Variants in ATP9A observed in about 807,000 individuals in gnomAD.
ATP9A encodes ATPase phospholipid transporting 9A.
ATP9A carries 52 observed loss-of-function variants against 144.1 expected under a neutral mutation model. That is an observed-to-expected ratio of 0.36 (90% CI 0.29 to 0.45). The LOEUF (loss-of-function observed/expected upper bound fraction) is 0.45, where lower values mean the gene tolerates loss of function less well. Among genes scored for constraint, ATP9A ranks in the 20% least tolerant of loss-of-function variants. The pLI is 1.00. For missense variants in ATP9A, 947 were observed against 1,392.7 expected, an observed-to-expected ratio of 0.68 and a Z score of 5.09; for synonymous variants, 582 against 557.4, an observed-to-expected ratio of 1.04 and a Z score of -0.62.
rs201814371 is a variant in ATP9A, at chr20:51,613,650, G to A, written c.2571+27C>T. 81 of 1,603,910 alleles carry A rather than the reference G, an allele frequency of 5.1e-5. No homozygotes were observed. In the African/African-American group the frequency reaches 9.4e-4, roughly 19 times the overall value. Reference sequence around the variant, plus strand: ...CTACATGGTATAGCCACAGGCACATGTGCAGAGGGGCCAGCTGTCCACTCA... The same window carrying A: ...CTACATGGTATAGCCACAGGCACATATGCAGAGGGGCCAGCTGTCCACTCA... On this transcript the variant is annotated intron_variant, in intron 23 of 27. Transcript: ENST00000338821.
intron 4 of ATP9A, among the ~76,000 whole-genome samples, chr20:51,709,200 T>C (rs6096536): frequency 0.25 from 37,619 of 151,950 alleles, 5,007 homozygotes; most frequent in Non-Finnish European, 0.28. Flanking sequence ...TATATGGACA[T>C]TGGGGGAAAC....
At chr20:51,655,597 C>T (rs1235657661) in intron 14 of ATP9A, among the ~76,000 whole-genome samples, 2 of 152,166 alleles carry the variant, frequency 1.3e-5, no homozygotes, top group African/African-American at 4.8e-5. Flanking sequence ...TCCACACTGA[C>T]TAGAACGTCC....
At chr20:51,753,736 G>A (rs1000547761) in intron 1 of ATP9A, among the ~76,000 whole-genome samples, 5 of 147,964 alleles carry the variant, frequency 3.4e-5, no homozygotes, top group Non-Finnish European at 7.4e-5. Context: ...GCACGATCTC[G>A]ACTCACTGCA....
At chr20:51,687,521 G>A (rs566981037) in intron 9 of ATP9A, among the ~76,000 whole-genome samples, 42 of 152,236 alleles carry the variant, frequency 2.8e-4, no homozygotes, top group African/African-American at 8.7e-4. Context: ...TGATCCCAGC[G>A]TTTTGGCTGA....
chr20:51,767,045 AC>A (rs1273252070), intron 1 of ATP9A, among the ~76,000 whole-genome samples: 4 of 143,844 alleles, frequency 2.8e-5, no homozygotes, highest in African/African-American at 1.0e-4. Context: ...AGGGACAAAG[AC>A]CCCACAAAAT....
At chr20:51,640,313 C>G (rs1009232) in intron 14 of ATP9A, among the ~76,000 whole-genome samples, 122,600 of 152,106 alleles carry the variant, frequency 0.81, 49,771 homozygotes, top group Non-Finnish European at 0.86. Context: ...GGGACCCGCG[C>G]CAACATCTGG....
chr20:51,633,789 C>CA (rs199922923), intron 15 of ATP9A, among the ~76,000 whole-genome samples: 3,325 of 127,078 alleles, frequency 0.026, 133 homozygotes, highest in African/African-American at 0.091. Flanking sequence ...GGGAGGGAGG[C>CA]AAAAAAAAGA....
chr20:51,691,906 C>A (rs2077550071), intron 7 of ATP9A, among the ~76,000 whole-genome samples: 1 of 152,208 alleles, frequency 6.6e-6, no homozygotes, highest in Admixed American at 6.5e-5. Flanking sequence ...TGGAATATTA[C>A]TCAGCCTTAA....
intron 4 of ATP9A, among the ~76,000 whole-genome samples, chr20:51,712,706 G>C (rs6067910): frequency 0.24 from 36,458 of 152,140 alleles, 4,718 homozygotes; most frequent in Non-Finnish European, 0.28. Context: ...CACACAAAAT[G>C]TAATTCCAGG....
chr20:51,639,758 C>A (rs1298590417), intron 14 of ATP9A, among the ~76,000 whole-genome samples: 1 of 152,166 alleles, frequency 6.6e-6, no homozygotes, highest in Non-Finnish European at 1.5e-5. Flanking sequence ...AGGCTGCACA[C>A]CAGAGGCATG....
At chr20:51,622,591 G>A (rs918449944) in intron 18 of ATP9A, among the ~76,000 whole-genome samples, 1 of 152,194 alleles carries the variant, frequency 6.6e-6, no homozygotes, top group Non-Finnish European at 1.5e-5. Flanking sequence ...TATGTAGTTG[G>A]ATGAGCAAGA....
intron 15 of ATP9A, among the ~76,000 whole-genome samples, chr20:51,635,665 A>T (rs1316412266): frequency 6.6e-6 from 1 of 151,580 alleles, no homozygotes; most frequent in East Asian, 1.9e-4. Context: ...TGAGCCTGGG[A>T]GGTCGAGGCT....
chr20:51,753,706 AC>A (rs2122907812), intron 1 of ATP9A, among the ~76,000 whole-genome samples: 1 of 143,676 alleles, frequency 7.0e-6, no homozygotes, highest in East Asian at 2.0e-4. Context: ...TCGCTCTGTC[AC>A]CCAGGCTAGA....
intron 24 of ATP9A, 127 bp from the exon 25 acceptor site, chr20:51,608,753 CG>C: frequency 1.5e-6 from 1 of 659,946 alleles, no homozygotes; most frequent in South Asian, 1.8e-5. Flanking sequence ...TATTATGCTC[CG>C]GGGCTGGCTG....
At chr20:51,729,570 C>T (rs2077731115) in intron 2 of ATP9A, among the ~76,000 whole-genome samples, 1 of 152,062 alleles carries the variant, frequency 6.6e-6, no homozygotes, top group African/African-American at 2.4e-5. Context: ...CATGGTGAAA[C>T]CCCATCTCTA....
intron 11 of ATP9A, among the ~76,000 whole-genome samples, chr20:51,671,808 T>C (rs534599362): frequency 1.3e-5 from 2 of 152,074 alleles, no homozygotes; most frequent in Non-Finnish European, 2.9e-5. Context: ...TGACTACTTT[T>C]TTTTTTTTGA....
At chr20:51,603,356 G>A (rs753275393) in intron 27 of ATP9A, among the ~76,000 whole-genome samples, 5 of 152,154 alleles carry the variant, frequency 3.3e-5, no homozygotes, top group Admixed American at 2.0e-4. Flanking sequence ...TGCCCCGTGC[G>A]GGGGAAACCA....
intron 13 of ATP9A, among the ~76,000 whole-genome samples, chr20:51,661,916 C>A (rs1219818812): frequency 6.6e-6 from 1 of 152,152 alleles, no homozygotes; most frequent in African/African-American, 2.4e-5. Context: ...TTTAAATGTA[C>A]CCATATATCA....
At chr20:51,625,786 C>T (rs1396565269) in intron 17 of ATP9A, among the ~76,000 whole-genome samples, 3 of 152,228 alleles carry the variant, frequency 2.0e-5, no homozygotes, top group Admixed American at 2.0e-4. Context: ...CCAAGTCGAG[C>T]TTCTGAAGAC....
Sources: allele counts gnomAD v4.1 joint callset (sites outside exome capture counted in the v4.1 genomes callset), GRCh38; gene constraint gnomAD v4.1.1; transcripts MANE v1.5; gene names NCBI Gene and HGNC (gene_info 2026-07-23, HGNC 2026-07-21).